Variants in ZFAND3 observed in about 807,000 individuals in gnomAD.
ZFAND3 encodes the protein AN1-type zinc finger protein 3.
In ZFAND3, 10 loss-of-function variants were observed where a neutral mutation model predicts 29.6. That is an observed-to-expected ratio of 0.34 (90% CI 0.21 to 0.57). The LOEUF is 0.57. ZFAND3 is among the 20% of genes least tolerant of loss of function. The pLI, the probability that ZFAND3 is intolerant of heterozygous loss-of-function variation, is 0.86. For synonymous variants in ZFAND3, 128 were observed against 112.6 expected, an observed-to-expected ratio of 1.14 and a Z score of -0.87; for missense variants, 230 against 304.5, an observed-to-expected ratio of 0.76 and a Z score of 1.82.
intron 2 of ZFAND3, among the ~76,000 whole-genome samples, chr6:38,026,522 C>G (rs1172516909): frequency 6.8e-6 from 1 of 148,076 alleles, no homozygotes; most frequent in Non-Finnish European, 1.5e-5. Context: ...CCTCTGCCTC[C>G]AGGTTCAAGT....
intron 1 of ZFAND3, among the ~76,000 whole-genome samples, chr6:37,925,850 C>T (rs1025404671): frequency 3.9e-5 from 6 of 152,046 alleles, no homozygotes; most frequent in African/African-American, 9.7e-5. Flanking sequence ...TTGAGTCAAA[C>T]GTTGAGATGT....
At chr6:38,134,457 G>A (rs746471083) in intron 5 of ZFAND3, among the ~76,000 whole-genome samples, 10 of 152,184 alleles carry the variant, frequency 6.6e-5, no homozygotes, top group Non-Finnish European at 1.0e-4. Context: ...GCAGGAACTA[G>A]TGACTTCTTT....
intron 5 of ZFAND3, among the ~76,000 whole-genome samples, chr6:38,127,709 A>T (rs1039866288): frequency 4.2e-4 from 63 of 150,366 alleles, no homozygotes; most frequent in African/African-American, 9.3e-4. Flanking sequence ...TTTTTTTTTT[A>T]AATAAATGAG....
intron 2 of ZFAND3, among the ~76,000 whole-genome samples, chr6:37,972,424 T>C (rs1762405390): frequency 6.6e-6 from 1 of 152,194 alleles, no homozygotes; most frequent in Non-Finnish European, 1.5e-5. Flanking sequence ...CCAGATATAA[T>C]ATTCACACTA....
At chr6:37,949,766 G>A (rs1351156995) in intron 2 of ZFAND3, among the ~76,000 whole-genome samples, 1 of 152,172 alleles carries the variant, frequency 6.6e-6, no homozygotes, top group African/African-American at 2.4e-5. Context: ...CCCAAGCACT[G>A]GAGCTTCTGA....
intron 2 of ZFAND3, among the ~76,000 whole-genome samples, chr6:38,013,195 T>C (rs958763981): frequency 1.3e-5 from 2 of 152,232 alleles, no homozygotes; most frequent in African/African-American, 4.8e-5. Context: ...ATTTATGTCC[T>C]GTATTTTCAA....
At chr6:37,911,230 C>T (rs991697114) in intron 1 of ZFAND3, among the ~76,000 whole-genome samples, 1 of 152,196 alleles carries the variant, frequency 6.6e-6, no homozygotes. Context: ...TCATGGCCAT[C>T]TAACAGGAGT....
At chr6:37,889,055 T>C (rs1205814683) in intron 1 of ZFAND3, among the ~76,000 whole-genome samples, 1 of 152,194 alleles carries the variant, frequency 6.6e-6, no homozygotes, top group Non-Finnish European at 1.5e-5. Context: ...ATTATTTCAC[T>C]TAACAAGAAG....
At chr6:37,879,558 TA>T (rs1228520425) in intron 1 of ZFAND3, among the ~76,000 whole-genome samples, 1 of 152,194 alleles carries the variant, frequency 6.6e-6, no homozygotes, top group Non-Finnish European at 1.5e-5. Context: ...AGAACCCAAT[TA>T]AATGAGTTAA....
rs78483656 is a variant in ZFAND3, at chr6:37,887,709, T to G, written c.72-42250T>G. ...TCTGTTAAATGATTATTTTATGTAGTGTTAGGCATTTAGCCAACAAGAGTT... is the reference window on the plus strand; with the variant it reads ...TCTGTTAAATGATTATTTTATGTAGGGTTAGGCATTTAGCCAACAAGAGTT... On this transcript the variant is annotated intron_variant, in intron 1 of 5. Transcript: ENST00000287218. Among the ~76,000 whole-genome samples, 60 of 152,366 alleles carry G rather than the reference T, an allele frequency of 3.9e-4. No individual in the cohort carries two copies. The East Asian group carries it at 0.011, about 28-fold the overall frequency.
In ZFAND3 at chr6:38,057,956, G is replaced by A. The variant is rs538624582; in HGVS notation, c.113-3637G>A. Among the ~76,000 whole-genome samples the A allele has an allele frequency of 5.9e-5, 9 of 152,282 alleles. No individual in the cohort carries two copies. The South Asian group carries it at 1.5e-3, about 25-fold the overall frequency. ...TGTTATGACACCATCACCCTGTGCA[G>A]GTGTAGAAAAGGCATAGAAGGAGTA... On this transcript the variant is annotated intron_variant, in intron 2 of 5. Transcript: ENST00000287218.
intron 2 of ZFAND3, among the ~76,000 whole-genome samples, chr6:37,937,166 T>C (rs560324941): frequency 6.6e-6 from 1 of 152,320 alleles, no homozygotes; most frequent in East Asian, 1.9e-4. Context: ...TACAGCTGAA[T>C]TTTGAGGCTT....
At chr6:38,119,055 A>G (rs1304409167) in intron 5 of ZFAND3, among the ~76,000 whole-genome samples, 1 of 152,200 alleles carries the variant, frequency 6.6e-6, no homozygotes. Context: ...AACAGGATGT[A>G]ACTTTCCTAG....
At position 37,864,519 on chromosome 6, in the gene ZFAND3, G is replaced by A. The variant is rs1012806691; in HGVS notation, c.71+44503G>A. 7.2e-5 allele frequency among the ~76,000 whole-genome samples: 11 copies of A among 152,218 alleles called. 1 individual carries two copies. Among genetic ancestry groups the A allele is most frequent in the Admixed American group, 3.3e-4 (5 of 15,292 alleles). Reference sequence around the variant, plus strand: ...CTTAATTAAATATGAGTACTGTGCAGTAGTAACCATAATTCTAAATGAGGA... The same window carrying A: ...CTTAATTAAATATGAGTACTGTGCAATAGTAACCATAATTCTAAATGAGGA... On this transcript the variant is annotated intron_variant, in intron 1 of 5. Transcript: ENST00000287218.
chr6:38,046,072 C>G (rs1374665237), intron 2 of ZFAND3, among the ~76,000 whole-genome samples: 1 of 152,144 alleles, frequency 6.6e-6, no homozygotes, highest in African/African-American at 2.4e-5. Context: ...AAAATAAGTA[C>G]CGGTGATGAT....
Position 38,153,021 on chromosome 6 carries a change from A to G in ZFAND3, c.*632A>G. 1.3e-5 allele frequency: 13 copies of G among 985,880 alleles called. No homozygotes were observed. The highest frequency in any genetic ancestry group is 1.6e-5 in the Non-Finnish European group (13 of 829,968). The allele number at this position is 985,880 out of a possible 1,614,324, so 61.1% of individuals were successfully genotyped here. On this transcript the variant is annotated 3_prime_UTR_variant, in exon 6 of 6. Coordinates refer to ENST00000287218, the MANE Select transcript of ZFAND3 (RefSeq NM_021943.3). ...CTTGCTATGAAAAAACTCATCACAC[A>G]AGAAGAGAAACAGTAACCTCACTTT...
intron 5 of ZFAND3, among the ~76,000 whole-genome samples, chr6:38,136,229 C>T (rs1399090290): frequency 2.0e-5 from 3 of 152,208 alleles, no homozygotes; most frequent in Non-Finnish European, 4.4e-5. Flanking sequence ...GCCACCTGTA[C>T]TGTCTAGTGT....
intron 2 of ZFAND3, among the ~76,000 whole-genome samples, chr6:38,011,391 A>C (rs1763150324): frequency 6.6e-6 from 1 of 152,210 alleles, no homozygotes; most frequent in Admixed American, 6.5e-5. Flanking sequence ...ACTGTTTTCC[A>C]GAGTGGCCGT....
chr6:37,830,953 T>C (rs1008339204), intron 1 of ZFAND3, among the ~76,000 whole-genome samples: 23 of 152,208 alleles, frequency 1.5e-4, no homozygotes, highest in Non-Finnish European at 2.1e-4. Flanking sequence ...GAGAGGCTGA[T>C]GAAGGGCCCC....
Sources: gnomAD v4.1 joint callset for allele counts (sites outside exome capture counted in the v4.1 genomes callset) on GRCh38, gnomAD v4.1.1 for gene constraint, MANE v1.5 for transcripts, NCBI Gene and HGNC (gene_info 2026-07-23, HGNC 2026-07-21) for gene names.